GULP1: variants seen among roughly 807,000 people sequenced by gnomAD.
GULP1 encodes the protein PTB domain-containing engulfment adapter protein 1.
GULP1 carries 19 observed loss-of-function variants against 40.9 expected under a neutral mutation model. The observed-to-expected ratio is 0.46, with a 90% CI of 0.32 to 0.68. The LOEUF (loss-of-function observed/expected upper bound fraction) is 0.68, where lower values mean the gene tolerates loss of function less well. GULP1 is among the 30% of genes least tolerant of loss of function. GULP1 has a pLI of 0.03. For synonymous variants in GULP1, 119 were observed against 117.6 expected, an observed-to-expected ratio of 1.01 and a Z score of -0.08; for missense variants, 312 against 362.2, an observed-to-expected ratio of 0.86 and a Z score of 1.12.
chr2:188,390,458 ATTAT>A (rs147717369), intron 2 of GULP1, among the ~76,000 whole-genome samples: 2,862 of 151,762 alleles, frequency 0.019, 90 homozygotes, highest in African/African-American at 0.066. Context: ...TTTAGATGGG[ATTAT>A]TTGTTTTTTT....
intron 1 of GULP1, among the ~76,000 whole-genome samples, chr2:188,380,494 AG>A (rs1349877413): frequency 1.3e-5 from 2 of 152,172 alleles, no homozygotes. Context: ...GCCAGATTTC[AG>A]GTGTGAGCAA....
chr2:188,351,166 G>A (rs2044395714), intron 1 of GULP1, among the ~76,000 whole-genome samples: 1 of 152,088 alleles, frequency 6.6e-6, no homozygotes, highest in Non-Finnish European at 1.5e-5. Flanking sequence ...CTTAAAAAAA[G>A]AAGACTAATT....
intron 11 of GULP1, 165 bp from the exon 12 acceptor site, chr2:188,593,775 G>A (rs1704050183): frequency 1.8e-6 from 1 of 555,392 alleles, no homozygotes; most frequent in African/African-American, 1.9e-5. Flanking sequence ...AACTACCAGT[G>A]CTATACACCT....
At chr2:188,422,991 A>G (rs945074743) in intron 2 of GULP1, among the ~76,000 whole-genome samples, 44 of 152,014 alleles carry the variant, frequency 2.9e-4, no homozygotes, top group Admixed American at 5.2e-4. Context: ...ACTACCCAGA[A>G]CTTGAGATTT....
At chr2:188,359,001 A>G (rs973849755) in intron 1 of GULP1, among the ~76,000 whole-genome samples, 14 of 152,080 alleles carry the variant, frequency 9.2e-5, no homozygotes, top group African/African-American at 3.4e-4. Context: ...AAGAACCAAA[A>G]ATTTCTTTTG....
At chr2:188,511,116 A>G (rs1053679287) in intron 4 of GULP1, among the ~76,000 whole-genome samples, 2 of 152,180 alleles carry the variant, frequency 1.3e-5, no homozygotes, top group Non-Finnish European at 2.9e-5. Flanking sequence ...GAGGCTATGA[A>G]AGGCAGAGTG....
At position 188,477,791 on chromosome 2, in the gene GULP1, G is replaced by A. The variant is rs1049426658; in HGVS notation, c.28+61G>A. 3.3e-5 allele frequency: 41 copies of A among 1,245,026 alleles called. No individual in the cohort carries two copies. The African/African-American group carries it at 5.5e-4, about 17-fold the overall frequency. 77.1% of individuals were successfully genotyped at this position (1,245,026 alleles called of 1,614,324 possible). ...GCCAATGTTGCTATGAACATAAGCA[G>A]CGATGTTAAGAAATCAGTTTTTCTT... On this transcript the variant is annotated intron_variant, in intron 3 of 11. Transcript: ENST00000409830.
In GULP1 at chr2:188,584,343, T is replaced by C; in HGVS notation, c.688T>C (p.Ser230Pro). The C allele has an allele frequency of 6.2e-7, 1 of 1,606,934 alleles. No homozygotes were observed. The highest frequency in any genetic ancestry group is 1.7e-5 in the Admixed American group (1 of 60,002). Residue 230 changes from serine to proline, a missense_variant, in exon 10 of 12, where the codon TCG (serine) becomes CCG (proline). Ser to Pro is a moderately conservative substitution (Grantham distance 74). Coordinates refer to ENST00000409830, the MANE Select transcript of GULP1 (RefSeq NM_016315.4). The part of the protein sequence containing the change: ...IPFSPISHQS[S>P]MPTRNGTQPP... ...ATTTTCTCCAATATCACACCAGTCT[T>C]CGATGCCTACTCGCAATGGCACACA...
At chr2:188,369,194 C>T (rs948555062) in intron 1 of GULP1, among the ~76,000 whole-genome samples, 2 of 151,476 alleles carry the variant, frequency 1.3e-5, no homozygotes, top group Non-Finnish European at 2.9e-5. Context: ...CCCCTGACCT[C>T]AGGTGATCCG....
At chr2:188,317,954 C>T (rs1265344129) in intron 1 of GULP1, among the ~76,000 whole-genome samples, 8 of 151,870 alleles carry the variant, frequency 5.3e-5, no homozygotes, top group African/African-American at 1.9e-4. Context: ...ATTTTTGATA[C>T]CTTGGCAAAC....
At chr2:188,525,615 A>G (rs1685974903) in intron 5 of GULP1, among the ~76,000 whole-genome samples, 1 of 151,636 alleles carries the variant, frequency 6.6e-6, no homozygotes, top group Non-Finnish European at 1.5e-5. Context: ...AAGTATTGAT[A>G]TATAGATTAA....
At chr2:188,450,339 C>T (rs1010555456) in intron 2 of GULP1, among the ~76,000 whole-genome samples, 2 of 151,926 alleles carry the variant, frequency 1.3e-5, no homozygotes, top group African/African-American at 4.8e-5. Context: ...TAATAAATAA[C>T]AGTTAAGTGT....
chr2:188,394,434 A>T (rs2152565301), intron 2 of GULP1, among the ~76,000 whole-genome samples: 1 of 152,082 alleles, frequency 6.6e-6, no homozygotes, highest in South Asian at 2.1e-4. Flanking sequence ...TCATATCCTG[A>T]ATTTAAAAAA....
chr2:188,544,538 TATA>T lies in GULP1; in HGVS notation c.399+3236_399+3238del, dbSNP rs71020752. Among the ~76,000 whole-genome samples, 400 of 151,118 alleles carry T rather than the reference TATA, an allele frequency of 2.6e-3. 3 individuals are homozygous for T. Among genetic ancestry groups the T allele is most frequent in the African/African-American group, 9.2e-3 (379 of 41,242 alleles). On this transcript the variant is annotated intron_variant, in intron 7 of 11. Coordinates refer to ENST00000409830, the MANE Select transcript of GULP1 (RefSeq NM_016315.4). ...AGTACCCTAAAACTTAAAGTATTAT[TATA>T]ATAATAATAATAATACTAAAAGAAT...
intron 11 of GULP1, 197 bp from the exon 12 acceptor site, chr2:188,593,743 A>G (rs1204630054): frequency 2.4e-6 from 1 of 416,592 alleles, no homozygotes; most frequent in Non-Finnish European, 4.4e-6. Flanking sequence ...TTAAAACATT[A>G]AAGTGTTAAT....
At chr2:188,515,548 A>C (rs894520534) in intron 4 of GULP1, among the ~76,000 whole-genome samples, 1 of 152,102 alleles carries the variant, frequency 6.6e-6, no homozygotes, top group Non-Finnish European at 1.5e-5. Context: ...TCTTCCTTAC[A>C]TCTTATTAAT....
At chr2:188,496,063 A>G (rs1220725023) in intron 4 of GULP1, among the ~76,000 whole-genome samples, 2 of 152,034 alleles carry the variant, frequency 1.3e-5, no homozygotes, top group Non-Finnish European at 2.9e-5. Context: ...TATCTGTGAC[A>G]GAATTACCCA....
chr2:188,384,917 G>A (rs1018104903), intron 2 of GULP1, among the ~76,000 whole-genome samples: 2 of 152,214 alleles, frequency 1.3e-5, no homozygotes, highest in African/African-American at 4.8e-5. Flanking sequence ...CTGCGCCTCT[G>A]TGGCTTTGCA....
chr2:188,402,031 A>G (rs76366756), intron 2 of GULP1, among the ~76,000 whole-genome samples: 4 of 152,110 alleles, frequency 2.6e-5, no homozygotes, highest in East Asian at 1.9e-4. Context: ...GTATTTGCAC[A>G]TTCTTCTTTT....
Sources: gnomAD v4.1 joint callset for allele counts (sites outside exome capture counted in the v4.1 genomes callset) on GRCh38, gnomAD v4.1.1 for gene constraint, MANE v1.5 for transcripts, NCBI Gene and HGNC (gene_info 2026-07-23, HGNC 2026-07-21) for gene names.